FGD3: variants seen among roughly 807,000 people sequenced by gnomAD.
FGD3 encodes the protein FYVE, RhoGEF and PH domain-containing protein 3.
FGD3 carries 45 observed loss-of-function variants against 71.8 expected under a neutral mutation model. The observed-to-expected ratio is 0.63, with a 90% confidence interval of 0.49 to 0.80. FGD3 has a LOEUF of 0.80. Among genes scored for constraint, FGD3 ranks in the 30% least tolerant of loss-of-function variants. The pLI, the probability that FGD3 is intolerant of heterozygous loss-of-function variation, is 0.00. For synonymous variants in FGD3, 378 were observed against 392.8 expected, an observed-to-expected ratio of 0.96 and a Z score of 0.44; for missense variants, 844 against 951.5, an observed-to-expected ratio of 0.89 and a Z score of 1.49.
chr9:92,976,160 T>C, intron 2 of FGD3, 48 bp from the exon 3 acceptor site: 1 of 1,190,568 alleles, frequency 8.4e-7, no homozygotes, highest in Non-Finnish European at 1.2e-6. Context: ...CTGAGGGTGC[T>C]GGTCCATGCC....
chr9:92,971,561 C>CTTTTTTTTT (rs1318618124), intron 1 of FGD3, among the ~76,000 whole-genome samples: 4 of 63,288 alleles, frequency 6.3e-5, no homozygotes, highest in African/African-American at 1.3e-4. Context: ...CTTTTCTTTT[C>CTTTTTTTTT]TTTTCTTTTT....
intron 13 of FGD3, 80 bp downstream of exon 13, chr9:93,020,504 T>A: frequency 8.1e-7 from 1 of 1,242,136 alleles, no homozygotes; most frequent in Non-Finnish European, 1.2e-6. Flanking sequence ...GGCGTCTGGG[T>A]GGGCAGCTTG....
Position 93,034,525 on chromosome 9 carries a change from GTCTT to G in FGD3, c.1786-14_1786-11del. The G allele has an allele frequency of 2.5e-6, 4 of 1,604,042 alleles. No individual in the cohort carries two copies. The highest frequency in any genetic ancestry group is 3.4e-6 in the Non-Finnish European group (4 of 1,173,956). ...GCAGGGGAGACTGCCCCTAACCTGT[GTCTT>G]TGTGTCCCCAGAAGACACCCACTGC... On this transcript the variant is annotated splice_polypyrimidine_tract_variant and intron_variant, in intron 16 of 17. Coordinates refer to ENST00000375482, the MANE Select transcript of FGD3 (RefSeq NM_001083536.2).
At chr9:93,016,371 G>GGT (rs1554737831) in intron 10 of FGD3, among the ~76,000 whole-genome samples, 1 of 135,228 alleles carries the variant, frequency 7.4e-6, no homozygotes, top group African/African-American at 2.8e-5. Flanking sequence ...ACGGAGTCTC[G>GGT]CTGTCACCCA....
At chr9:93,026,918 C>T (rs1488892083) in intron 14 of FGD3, among the ~76,000 whole-genome samples, 1 of 152,264 alleles carries the variant, frequency 6.6e-6, no homozygotes. Flanking sequence ...ATCGGGGCTG[C>T]CCTTCCACTA....
At chr9:92,954,033 A>G (rs1336123515) in intron 1 of FGD3, among the ~76,000 whole-genome samples, 1 of 152,190 alleles carries the variant, frequency 6.6e-6, no homozygotes, top group African/African-American at 2.4e-5. Context: ...CCAAATGCAA[A>G]TATAATGTTC....
intron 1 of FGD3, among the ~76,000 whole-genome samples, chr9:92,963,108 C>T (rs1262135330): frequency 6.6e-6 from 1 of 152,060 alleles, no homozygotes; most frequent in Admixed American, 6.5e-5. Context: ...CTCCACATCA[C>T]CTCAGCCTTT....
intron 3 of FGD3, among the ~76,000 whole-genome samples, chr9:92,978,561 GTGTCC>G (rs1182587498): frequency 6.6e-6 from 1 of 151,892 alleles, no homozygotes; most frequent in African/African-American, 2.4e-5. Context: ...GCGTGCATTT[GTGTCC>G]TGAAAAGACC....
chr9:93,004,257 C>A, intron 5 of FGD3, 120 bp downstream of exon 5: 1 of 1,319,638 alleles, frequency 7.6e-7, no homozygotes, highest in Non-Finnish European at 1.1e-6. Context: ...CGCCTCCCTT[C>A]TCTGCACGGT....
At chr9:93,031,830 G>A (rs977095730) in intron 15 of FGD3, among the ~76,000 whole-genome samples, 1 of 152,188 alleles carries the variant, frequency 6.6e-6, no homozygotes, top group Admixed American at 6.5e-5. Context: ...GGGTGTGGGT[G>A]GCCCTGAGAC....
At chr9:93,022,192 A>G (rs1481908684) in intron 13 of FGD3, 135 bp from the exon 14 acceptor site, 15 of 811,368 alleles carry the variant, frequency 1.8e-5, no homozygotes, top group Admixed American at 1.0e-4. Flanking sequence ...AGCAAATCCT[A>G]GGCCTGGGAA....
intron 1 of FGD3, among the ~76,000 whole-genome samples, chr9:92,971,911 C>T (rs1587820002): frequency 6.6e-6 from 1 of 151,398 alleles, no homozygotes; most frequent in Non-Finnish European, 1.5e-5. Context: ...TCTTGTGCTC[C>T]TTTGTAAGCA....
intron 14 of FGD3, among the ~76,000 whole-genome samples, chr9:93,023,367 TGTA>T (rs1422057506): frequency 1.3e-5 from 2 of 152,276 alleles, no homozygotes; most frequent in Non-Finnish European, 2.9e-5. Flanking sequence ...TCGGGAAAGA[TGTA>T]GTGCTTCAGG....
intron 14 of FGD3, among the ~76,000 whole-genome samples, chr9:93,022,706 A>C (rs1406744515): frequency 6.6e-6 from 1 of 152,132 alleles, no homozygotes; most frequent in East Asian, 1.9e-4. Context: ...CACATGTGAG[A>C]ATCTTCTGAG....
rs572961117 is a variant in FGD3 at position 92,950,860 on chromosome 9, C to G, written c.-218+3131C>G. Among the ~76,000 whole-genome samples the G allele has an allele frequency of 1.2e-4, 18 of 152,322 alleles. No homozygotes were observed. The East Asian group carries it at 3.3e-3, about 28-fold the overall frequency. On this transcript the variant is annotated intron_variant, in intron 1 of 17. Coordinates refer to ENST00000375482, the MANE Select transcript of FGD3 (RefSeq NM_001083536.2). Reference sequence around the variant, plus strand: ...GGGGACGGCTCAGGGACAGTGCTGCCCTTTCTGCCTAGGCAGATGGAAATG... The same window carrying G: ...GGGGACGGCTCAGGGACAGTGCTGCGCTTTCTGCCTAGGCAGATGGAAATG...
chr9:93,000,573 G>GT (rs372909170), intron 3 of FGD3, among the ~76,000 whole-genome samples: 57 of 151,436 alleles, frequency 3.8e-4, no homozygotes, highest in South Asian at 1.9e-3. Context: ...TTTGTTGACA[G>GT]TTTTTTTTTC....
At chr9:92,951,804 A>T (rs1214443355) in intron 1 of FGD3, among the ~76,000 whole-genome samples, 2 of 152,206 alleles carry the variant, frequency 1.3e-5, no homozygotes, top group Non-Finnish European at 2.9e-5. Context: ...GAGGTGGTAA[A>T]CTGAATGAAT....
chr9:92,956,842 T>C (rs996165003), intron 1 of FGD3, among the ~76,000 whole-genome samples: 3 of 146,204 alleles, frequency 2.1e-5, no homozygotes, highest in African/African-American at 5.1e-5. Context: ...TTCTTTCTTT[T>C]TTTTTTTTTT....
At chr9:92,985,929 C>G (rs528311772) in intron 3 of FGD3, among the ~76,000 whole-genome samples, 1 of 152,294 alleles carries the variant, frequency 6.6e-6, no homozygotes, top group Admixed American at 6.5e-5. Context: ...TGTGTCCCTT[C>G]TTACTTTCCT....
Sources: allele counts gnomAD v4.1 joint callset (sites outside exome capture counted in the v4.1 genomes callset), GRCh38; gene constraint gnomAD v4.1.1; transcripts MANE v1.5; gene names NCBI Gene and HGNC (gene_info 2026-07-23, HGNC 2026-07-21).